The following CROCC variants were observed in gnomAD, a reference collection of about 807,000 sequenced individuals.
CROCC encodes the protein rootletin.
In CROCC, 180 loss-of-function variants were observed where a neutral mutation model predicts 245.2. The observed-to-expected ratio is 0.73, with a 90% CI of 0.65 to 0.83. The LOEUF is 0.83. CROCC is among the 40% of genes least tolerant of loss of function. The pLI is 0.00. For missense variants in CROCC, 2,688 were observed against 2,779.4 expected (o/e 0.97, Z 0.74); for synonymous variants, 1,205 against 1,241.6 (o/e 0.97, Z 0.62).
chr1:16,931,366 C>G lies in CROCC; in HGVS notation c.925C>G (p.Leu309Val), dbSNP rs747817726. The change falls in exon 8 of 37, where the codon CTG (leucine) becomes GTG (valine). Residue 309 changes from leucine to valine, a missense_variant. Leu to Val is a conservative substitution (Grantham distance 32). This residue lies in a region of CROCC where 972 missense variants were observed against 895.3 expected (regional missense o/e 1.09). Transcript: ENST00000375541. ...GAGGCAGGTGGTGGGGTTCCGGCGGCTGGTCAGCGAGGTGAAGATGTTCAC... is the reference window on the plus strand; with the variant it reads ...GAGGCAGGTGGTGGGGTTCCGGCGGGTGGTCAGCGAGGTGAAGATGTTCAC... ...LWRQVVGFRR[L>V]VSEVKMFTER... 2 of 1,612,300 alleles carry G rather than the reference C, an allele frequency of 1.2e-6. No individual in the cohort carries two copies. Among genetic ancestry groups the G allele is most frequent in the Non-Finnish European group, 1.7e-6 (2 of 1,178,740 alleles).
upstream of CROCC, chr1:16,921,852 G>A: frequency 1.5e-6 from 1 of 679,368 alleles, no homozygotes; most frequent in East Asian, 2.9e-5. Flanking sequence ...TCCCTCCTCA[G>A]CCCACATCCT....
chr1:16,918,404 T>TG (rs1451840123), upstream of CROCC, among the ~76,000 whole-genome samples: 8 of 150,756 alleles, frequency 5.3e-5, no homozygotes, highest in South Asian at 1.7e-3. Flanking sequence ...AGCAGGACTC[T>TG]GGGGGAGAAC....
chr1:16,934,081 T>C (rs1257438399), intron 8 of CROCC, among the ~76,000 whole-genome samples: 2 of 152,278 alleles, frequency 1.3e-5, no homozygotes, highest in Non-Finnish European at 2.9e-5. Flanking sequence ...ACTCCATAAG[T>C]AGAATGTGTT....
In CROCC at chr1:16,943,572, GT is replaced by G. The variant is rs374388032; in HGVS notation, c.1809-522del. On this transcript the variant is annotated intron_variant, in intron 13 of 36. Transcript: ENST00000375541. ...AAATAAAACAAAATCACGCTGTGAA[GT>G]TTTTTCGCACCTATGGCCAGTGGGG... 5.9e-5 allele frequency among the ~76,000 whole-genome samples: 9 copies of G among 152,392 alleles called. 1 individual carries two copies. In the South Asian group the frequency reaches 6.2e-4, roughly 11 times the overall value.
chr1:16,922,203 C>T (rs1376445935), intron 1 of CROCC, 125 bp downstream of exon 1: 8 of 1,022,510 alleles, frequency 7.8e-6, no homozygotes, highest in Non-Finnish European at 1.1e-5. Flanking sequence ...GTGGGGTATA[C>T]AGGGGCCCCC....
chr1:16,966,498 G>A lies in CROCC; in HGVS notation c.4787G>A (p.Arg1596Gln), dbSNP rs774850327. The change falls in exon 30 of 37, where the codon CGG becomes CAG. Residue 1596 changes from arginine to glutamine, a missense_variant. Coordinates refer to ENST00000375541, the MANE Select transcript of CROCC (RefSeq NM_014675.5). This position sits in a 1 kb window ranked among gnomAD's most constrained non-coding sequence, Gnocchi z 4.8. ...GTGCGGCGCAGTGAGCGGGAGCGCC[G>A]GGCCACGCTGGACCAGGTGGCCACA... ...ESVRRSERER[R>Q]ATLDQVATLE... 32 of 1,531,282 alleles carry A rather than the reference G, an allele frequency of 2.1e-5. No individual in the cohort carries two copies. The highest frequency in any genetic ancestry group is 1.2e-4 in the African/African-American group (9 of 72,794). 94.9% of individuals were successfully genotyped at this position (1,531,282 alleles called of 1,614,324 possible).
At chr1:16,968,107 G>A in intron 30 of CROCC, 96 bp from the exon 31 acceptor site, 1 of 1,292,368 alleles carries the variant, frequency 7.7e-7, no homozygotes. Flanking sequence ...ACCCTTCGAG[G>A]CTGCTCCCCA....
At chr1:16,940,390 A>ATTTTT in intron 13 of CROCC, among the ~76,000 whole-genome samples, 1 of 136,298 alleles carries the variant, frequency 7.3e-6, no homozygotes, top group South Asian at 2.4e-4. Flanking sequence ...TGCCGGGCTA[A>ATTTTT]TTTTTTTTTT....
At chr1:16,931,451 G>A (rs1446339705) in intron 8 of CROCC, 54 bp downstream of exon 8, 6 of 1,486,914 alleles carry the variant, frequency 4.0e-6, no homozygotes, top group East Asian at 4.6e-5. Flanking sequence ...TGCTCTTTAT[G>A]TCCAACTGAA....
upstream of CROCC, among the ~76,000 whole-genome samples, chr1:16,920,941 A>G (rs1199626357): frequency 6.6e-6 from 1 of 152,230 alleles, no homozygotes; most frequent in African/African-American, 2.4e-5. Context: ...ACGGGGTTTC[A>G]CCATATTGGT....
At position 16,930,109 on chromosome 1, in the gene CROCC, G is replaced by A. The variant is rs1312003682; in HGVS notation, c.538-15G>A. On this transcript the variant is annotated splice_polypyrimidine_tract_variant and intron_variant, in intron 4 of 36. Coordinates refer to ENST00000375541, the MANE Select transcript of CROCC (RefSeq NM_014675.5). ...CCCCAACCCCTGGGGCTCACCATCA[G>A]CTCCCCATCCCCAGATTCTCCAGTA... 1 of 1,584,562 alleles carries A rather than the reference G, an allele frequency of 6.3e-7. No homozygotes were observed. The highest frequency in any genetic ancestry group is 8.6e-7 in the Non-Finnish European group (1 of 1,166,650).
At position 16,954,948 on chromosome 1, in the gene CROCC, C is replaced by G. The variant is rs2076225085; in HGVS notation, c.3465+71C>G. 7.0e-7 allele frequency: 1 copy of G among 1,438,038 alleles called. No individual in the cohort carries two copies. The highest frequency in any genetic ancestry group is 9.2e-7 in the Non-Finnish European group (1 of 1,086,224). 89.1% of individuals were successfully genotyped at this position (1,438,038 alleles called of 1,614,324 possible). A position where few individuals can be genotyped will look rare whatever the true frequency, so the allele number is the denominator to read the frequency against. On this transcript the variant is annotated intron_variant, in intron 23 of 36. Transcript: ENST00000375541. The surrounding 1 kb of genome is among the most constrained non-coding windows in gnomAD (Gnocchi z 4.4). ...CTGTGTGCCTGGGGGCCTAGTTCCC[C>G]AGGGCCCCAGAAGAGTGTAAGATTC...
intron 20 of CROCC, chr1:16,952,036 C>G (rs1157409230): frequency 6.6e-6 from 1 of 151,498 alleles, no homozygotes; most frequent in African/African-American, 2.4e-5. Flanking sequence ...GGATTATAGG[C>G]GCGCCACCAC....
At chr1:16,945,205 C>A (rs7521147) in intron 14 of CROCC, among the ~76,000 whole-genome samples, 2 of 152,286 alleles carry the variant, frequency 1.3e-5, no homozygotes, top group African/African-American at 2.4e-5. Context: ...TGTACTCCAG[C>A]CTGTGTGACA....
intron 13 of CROCC, among the ~76,000 whole-genome samples, chr1:16,943,775 T>A (rs992465170): frequency 1.3e-5 from 2 of 152,290 alleles, no homozygotes; most frequent in African/African-American, 4.8e-5. Flanking sequence ...CCTGGTCACA[T>A]GGCCTAGCAG....
intron 17 of CROCC, among the ~76,000 whole-genome samples, chr1:16,947,765 G>A (rs2076082210): frequency 1.3e-5 from 2 of 152,358 alleles, no homozygotes; most frequent in Middle Eastern, 3.4e-3. Flanking sequence ...CAAGTTTAGA[G>A]TAATACAAGG....
intron 20 of CROCC, chr1:16,953,023 G>A (rs2076188382): frequency 2.4e-6 from 1 of 413,984 alleles, no homozygotes; most frequent in African/African-American, 2.0e-5. Flanking sequence ...CTGTGTTCTT[G>A]GCCTGGGGTG....
rs534002632 is a variant in CROCC, at chr1:16,946,953, C to T, written c.2476C>T (p.Arg826Cys). 46 of 1,556,708 alleles carry T rather than the reference C, an allele frequency of 3.0e-5. No homozygotes were observed. Among genetic ancestry groups the T allele is most frequent in the Admixed American group, 1.5e-4 (8 of 51,658 alleles). The change falls in exon 17 of 37, where the codon CGC becomes TGC. Residue 826 changes from arginine (R) to cysteine (C), a missense_variant. By Grantham distance (180) the Arg-to-Cys change is radical (BLOSUM62 -3). Coordinates refer to ENST00000375541, the MANE Select transcript of CROCC (RefSeq NM_014675.5). ...EALEQQLPTLRHERSQLQEQL... is the reference protein window; with the variant it reads ...EALEQQLPTLCHERSQLQEQL... ...ATTGGAGCAGCAGCTCCCCACGCTGCGCCATGAGCGCAGCCAGCTGCAGGA... is the reference window on the plus strand; with the variant it reads ...ATTGGAGCAGCAGCTCCCCACGCTGTGCCATGAGCGCAGCCAGCTGCAGGA...
rs1230372353 is a variant in CROCC, at chr1:16,956,040, C to T, written c.3748C>T (p.Leu1250=). Residue 1250 remains leucine (L), a synonymous_variant, in exon 25 of 37, where the codon CTA becomes TTA. Transcript: ENST00000375541. ...GGACAAGGAGCAGAAGCTGGCACTC[C>T]TAGAGGAGGCACGGACAGCTGTGGG... is the stretch of plus-strand genomic sequence containing the variant. ...NEDKEQKLAL[L]EEARTAVGKE... is the part of the protein sequence containing the mutation. 1 of 1,551,008 alleles carries T rather than the reference C, an allele frequency of 6.4e-7. No individual in the cohort carries two copies. The highest frequency in any genetic ancestry group is 2.4e-5 in the East Asian group (1 of 40,960).
Sources: gnomAD v4.1 joint callset for allele counts (sites outside exome capture counted in the v4.1 genomes callset) on GRCh38, gnomAD v4.1.1 for gene constraint, gnomAD v4.1.1 regional missense constraint, Gnocchi (gnomAD v3.1) non-coding constraint, MANE v1.5 for transcripts, NCBI Gene and HGNC (gene_info 2026-07-23, HGNC 2026-07-21) for gene names.